Variants in GGT1 observed in about 807,000 individuals in gnomAD.
The protein encoded by GGT1 is glutathione hydrolase 1 proenzyme.
A neutral mutation model predicts 56.0 loss-of-function variants in GGT1; 21 were observed. The ratio of observed to expected loss-of-function variants is 0.38; its 90% confidence interval spans 0.27 to 0.54. The LOEUF (loss-of-function observed/expected upper bound fraction) is 0.54, where lower values mean the gene tolerates loss of function less well. GGT1 is among the 20% of genes least tolerant of loss of function. GGT1 has a pLI of 0.82. For missense variants in GGT1, 466 were observed against 787.0 expected (o/e 0.59, Z 4.88); for synonymous variants, 238 against 342.6 (o/e 0.69, Z 3.37).
At chr22:24,592,989 G>A, upstream of GGT1, 2 of 1,156,318 alleles carry the variant, frequency 1.7e-6, no homozygotes, top group Non-Finnish European at 2.1e-6. Flanking sequence ...CCGCCGCCCC[G>A]GCCTCAGAGC....
chr22:24,602,230 C>T (rs529874104), upstream of GGT1, among the ~76,000 whole-genome samples: 41 of 152,236 alleles, frequency 2.7e-4, no homozygotes, highest in Non-Finnish European at 4.7e-4. Context: ...GCAGGTCCTC[C>T]CCAAATCCAA....
upstream of GGT1, chr22:24,593,007 GGGCCCGGCCCGCC>G (rs2045620576): frequency 4.5e-6 from 5 of 1,119,188 alleles, no homozygotes; most frequent in Admixed American, 5.0e-5. Flanking sequence ...AGCCAGCCTC[GGGCCCGGCCCGCC>G]GGCCCAGCCG....
At chr22:24,611,582 C>G (rs1405674876) in intron 5 of GGT1, among the ~76,000 whole-genome samples, 2 of 148,886 alleles carry the variant, frequency 1.3e-5, no homozygotes, top group African/African-American at 5.0e-5. Flanking sequence ...ATCTATCTAT[C>G]TATCTATCTA....
the GGT1 span, chr22:24,586,424 G>C: frequency 1.9e-6 from 3 of 1,599,852 alleles, no homozygotes; most frequent in African/African-American, 4.0e-5. Flanking sequence ...ATGGGAGAGT[G>C]GCAGGTGGGG....
upstream of GGT1, chr22:24,589,968 G>T: frequency 6.4e-7 from 1 of 1,564,898 alleles, no homozygotes; most frequent in South Asian, 1.2e-5. Context: ...GGTGAAGAGA[G>T]AGTTGAGTGA....
intron 5 of GGT1, 45 bp downstream of exon 5, chr22:24,611,290 A>G: frequency 8.5e-7 from 1 of 1,179,226 alleles, no homozygotes; most frequent in Non-Finnish European, 1.2e-6. Context: ...AAACTGGGCA[A>G]GTGGACCTGA....
At chr22:24,622,990 T>C in intron 9 of GGT1, 117 bp from the exon 10 acceptor site, 2 of 1,258,400 alleles carry the variant, frequency 1.6e-6, no homozygotes, top group South Asian at 2.7e-5. Context: ...GGTACAGGCT[T>C]TTCCCCACCA....
rs1484945412 is a variant in GGT1, at chr22:24,627,440, C to G, written c.1029C>G (p.Arg343=). Residue 343 remains arginine (R), a synonymous_variant, in exon 12 of 16, where the codon CGC becomes CGG. Coordinates refer to ENST00000400382, the MANE Select transcript of GGT1 (RefSeq NM_001288833.2). ...PKFVDVTEVV[R]NMTSEFFAAQ... is the part of the protein sequence containing the mutation. ...CTCTGGGGTCTCGGCAGGTGGTCCG[C>G]AACATGACCTCCGAGTTCTTCGCTG... 4 of 1,596,600 alleles carry G rather than the reference C, an allele frequency of 2.5e-6. No homozygotes were observed. Among genetic ancestry groups the G allele is most frequent in the Non-Finnish European group, 3.4e-6 (4 of 1,172,084 alleles).
At chr22:24,607,829 C>T (rs547927257) in intron 1 of GGT1, 125 bp from the exon 2 acceptor site, 1 of 352,782 alleles carries the variant, frequency 2.8e-6, no homozygotes, top group East Asian at 9.5e-5. Flanking sequence ...ATTCGGAGGC[C>T]CCCTGAGGAG....
intron 7 of GGT1, among the ~76,000 whole-genome samples, chr22:24,616,866 A>G (rs1362547086): frequency 6.6e-6 from 1 of 151,780 alleles, no homozygotes; most frequent in Admixed American, 6.6e-5. Context: ...TTTTTTTAAT[A>G]CTCATTGAGA....
rs931187810 is a variant in GGT1, at chr22:24,615,296, T to C, written c.382+169T>C. Among the ~76,000 whole-genome samples, 56 of 152,270 alleles carry C rather than the reference T, an allele frequency of 3.7e-4. No homozygotes were observed. In the Middle Eastern group the frequency reaches 0.01, roughly 28 times the overall value. ...CCACAATGAGTGGTCAGGACCATCA[T>C]CACCATGGTAAAGGGCCGGGAGCTT... On this transcript the variant is annotated intron_variant, in intron 7 of 15. Coordinates refer to ENST00000400382, the MANE Select transcript of GGT1 (RefSeq NM_001288833.2).
chr22:24,623,393 G>A (rs1032687975), intron 10 of GGT1, 137 bp downstream of exon 10: 42 of 1,074,020 alleles, frequency 3.9e-5, no homozygotes, highest in African/African-American at 6.7e-5. Context: ...GTGTCCCTGC[G>A]TCACAGTTCA....
intron 5 of GGT1, among the ~76,000 whole-genome samples, chr22:24,614,147 G>A (rs147257751): frequency 0.023 from 3,518 of 151,986 alleles, 123 homozygotes; most frequent in African/African-American, 0.08. Context: ...TTCTTGACCA[G>A]CCTGGGCAAC....
chr22:24,593,705 T>A (rs1358596945), upstream of GGT1, among the ~76,000 whole-genome samples: 1 of 151,630 alleles, frequency 6.6e-6, no homozygotes, highest in Non-Finnish European at 1.5e-5. Flanking sequence ...GAGAATCAAT[T>A]GAACCTGGGA....
At position 24,628,205 on chromosome 22, in the gene GGT1, A is replaced by C. The variant is rs45519234; in HGVS notation, c.1449+12A>C. ...CGGCCACTGCACTGGTATGTGTCAC[A>C]CCTTTTCTCCCTGGCCGTGCCCACC... On this transcript the variant is annotated intron_variant, in intron 14 of 15. Coordinates refer to ENST00000400382, the MANE Select transcript of GGT1 (RefSeq NM_001288833.2). This position sits in a 1 kb window ranked among gnomAD's most constrained non-coding sequence, Gnocchi z 5.7. 3.1e-4 allele frequency: 498 copies of C among 1,611,466 alleles called. 1 individual carries two copies. The highest frequency in any genetic ancestry group is 2.7e-4 in the South Asian group (25 of 90,986).
At chr22:24,608,675 G>T (rs1299289172) in intron 2 of GGT1, among the ~76,000 whole-genome samples, 1 of 152,004 alleles carries the variant, frequency 6.6e-6, no homozygotes, top group Non-Finnish European at 1.5e-5. Flanking sequence ...CATTTTTTTT[G>T]AGACGGAGTT....
At chr22:24,608,113 G>A (rs1245695504) in intron 2 of GGT1, 90 bp downstream of exon 2, 7 of 431,046 alleles carry the variant, frequency 1.6e-5, no homozygotes, top group Admixed American at 1.4e-4. Context: ...TTCCCCTAGT[G>A]TGTGCAGCTC....
upstream of GGT1, among the ~76,000 whole-genome samples, chr22:24,598,902 C>T (rs554569111): frequency 3.2e-4 from 48 of 152,154 alleles, no homozygotes; most frequent in African/African-American, 1.2e-3. Context: ...TGAAACTCCC[C>T]AAACCCTGTC....
Position 24,612,790 on chromosome 22 carries a change from G to A in GGT1, c.164+1545G>A, listed in dbSNP as rs576994943. Among the ~76,000 whole-genome samples, 3 of 152,274 alleles carry A rather than the reference G, an allele frequency of 2.0e-5. No individual in the cohort carries two copies. In the East Asian group the frequency reaches 5.8e-4, roughly 29 times the overall value. ...GATCCGCCTGCCTTGGCCTCCCAAA[G>A]TGCTGGGATTACAGGCATGAGCCAC... On this transcript the variant is annotated intron_variant, in intron 5 of 15. Coordinates refer to ENST00000400382, the MANE Select transcript of GGT1 (RefSeq NM_001288833.2).
Sources: gnomAD v4.1 joint callset for allele counts (sites outside exome capture counted in the v4.1 genomes callset) on GRCh38, gnomAD v4.1.1 for gene constraint, Gnocchi (gnomAD v3.1) non-coding constraint, MANE v1.5 for transcripts, NCBI Gene and HGNC (gene_info 2026-07-23, HGNC 2026-07-21) for gene names.